PHKA2: variants seen among roughly 807,000 people sequenced by gnomAD.
PHKA2 encodes phosphorylase b kinase regulatory subunit alpha, liver isoform.
A neutral mutation model predicts 102.0 loss-of-function variants in PHKA2; 31 were observed. That is an observed-to-expected ratio of 0.30 (90% CI 0.23 to 0.41). The LOEUF is 0.41. PHKA2 is among the 10% of genes least tolerant of loss of function. The probability of loss-of-function intolerance (pLI) is 1.00; values close to 1 mark genes in which losing one functional copy is unlikely to be tolerated. For synonymous variants in PHKA2, 455 were observed against 416.2 expected (o/e 1.09, Z -1.13); for missense variants, 858 against 1,023.1 (o/e 0.84, Z 2.20).
At chrX:18,930,346 A>G (rs748770811) in intron 12 of PHKA2, among the ~76,000 whole-genome samples, 21 of 111,368 alleles carry the variant, frequency 1.9e-4, no homozygotes, top group Non-Finnish European at 3.2e-4. Context: ...ACTCCCTTGC[A>G]AAGTATTCTC....
Position 18,893,284 on chromosome X carries a change from G to GA in PHKA2, c.*200dup. On this transcript the variant is annotated 3_prime_UTR_variant, in exon 33 of 33. Coordinates refer to ENST00000379942, the MANE Select transcript of PHKA2 (RefSeq NM_000292.3). The stretch of plus-strand genomic sequence containing the variant: ...TGATCCCGGGGTGCTCCTTGCGGGG[G>GA]AACACAGGACTCCTCAGCTCTATCT... 2.1e-6 allele frequency: 1 copy of GA among 470,418 alleles called. No homozygotes were observed. Among genetic ancestry groups the GA allele is most frequent in the Non-Finnish European group, 3.8e-6 (1 of 266,048 alleles). 38.8% of individuals were successfully genotyped at this position (470,418 alleles called of 1,213,427 possible).
chrX:18,906,082 T>C (rs768518605), intron 25 of PHKA2, among the ~76,000 whole-genome samples: 5 of 112,114 alleles, frequency 4.5e-5, no homozygotes, highest in Non-Finnish European at 5.6e-5. Flanking sequence ...AGACACATGA[T>C]GTTTCACAAT....
intron 1 of PHKA2, among the ~76,000 whole-genome samples, chrX:18,956,873 T>C (rs2048783964): frequency 8.9e-6 from 1 of 112,839 alleles, no homozygotes; most frequent in East Asian, 2.8e-4. Flanking sequence ...GATTGGCAGA[T>C]ACTCTGCCAC....
At chrX:18,979,400 G>A (rs896411740) in intron 1 of PHKA2, among the ~76,000 whole-genome samples, 4 of 111,175 alleles carry the variant, frequency 3.6e-5, no homozygotes, top group African/African-American at 6.5e-5. Context: ...ATAATCTGTC[G>A]TTACAGTGAA....
rs186514806 is a variant in PHKA2, at chrX:18,935,811, T to G, written c.1137+244A>C. Among the ~76,000 whole-genome samples the G allele has an allele frequency of 6.6e-3, 712 of 107,465 alleles. 1 individual carries two copies. The highest frequency in any genetic ancestry group is 0.017 in the South Asian group (39 of 2,348). 93.3% of individuals were successfully genotyped at this position (107,465 alleles called of 115,157 possible). On this transcript the variant is annotated intron_variant, in intron 11 of 32. Coordinates refer to ENST00000379942, the MANE Select transcript of PHKA2 (RefSeq NM_000292.3). The stretch of plus-strand genomic sequence containing the variant: ...TTTTTTTTTTAGTAGAGATGGGGTT[T>G]TGCCATGTCAGCCAGGCTGGTCTCA...
intron 26 of PHKA2, among the ~76,000 whole-genome samples, chrX:18,902,248 G>A (rs555288341): frequency 4.5e-5 from 5 of 110,234 alleles, no homozygotes; most frequent in Non-Finnish European, 5.7e-5. Flanking sequence ...CGATCCTTCC[G>A]CTTCAGCCTC....
chrX:18,956,662 T>G (rs1445251825), intron 1 of PHKA2, among the ~76,000 whole-genome samples: 2 of 112,655 alleles, frequency 1.8e-5, no homozygotes, highest in Non-Finnish European at 3.8e-5. Context: ...AGAAGCAGTC[T>G]GAATGTTTCA....
At chrX:18,944,115 C>T (rs2048539122) in intron 6 of PHKA2, among the ~76,000 whole-genome samples, 1 of 111,065 alleles carries the variant, frequency 9.0e-6, no homozygotes, top group Non-Finnish European at 1.9e-5. Flanking sequence ...GTGCCCGACC[C>T]TATTCTTATT....
chrX:18,946,751 T>A (rs2048585245), intron 5 of PHKA2, among the ~76,000 whole-genome samples: 1 of 109,450 alleles, frequency 9.1e-6, no homozygotes, highest in African/African-American at 3.3e-5. Context: ...TAGACTCTGC[T>A]CAGCTTCCAA....
At chrX:18,907,806 A>G in intron 22 of PHKA2, 94 bp downstream of exon 22, 1 of 979,558 alleles carries the variant, frequency 1.0e-6, no homozygotes. Flanking sequence ...GGGCTCCTTC[A>G]CAAGTAAGAG....
At chrX:18,900,276 T>C (rs1309820959) in intron 28 of PHKA2, among the ~76,000 whole-genome samples, 1 of 111,309 alleles carries the variant, frequency 9.0e-6, no homozygotes, top group Non-Finnish European at 1.9e-5. Flanking sequence ...TTACATGTTT[T>C]TCCTTCCAGG....
At chrX:18,943,832 T>C (rs1473586247) in intron 6 of PHKA2, 24 bp from the exon 7 acceptor site, 1 of 1,057,479 alleles carries the variant, frequency 9.5e-7, no homozygotes, top group Non-Finnish European at 1.3e-6. Flanking sequence ...TATGAGTTAC[T>C]TTTTCTTTCT....
intron 2 of PHKA2, among the ~76,000 whole-genome samples, chrX:18,953,933 C>G: frequency 9.0e-6 from 1 of 111,122 alleles, no homozygotes; most frequent in African/African-American, 3.3e-5. Flanking sequence ...TTGCAGTGAG[C>G]TGAGATCGCG....
chrX:18,966,539 T>C (rs1437104085), intron 1 of PHKA2, among the ~76,000 whole-genome samples: 1 of 112,265 alleles, frequency 8.9e-6, no homozygotes, highest in Non-Finnish European at 1.9e-5. Flanking sequence ...GCACTTTTTT[T>C]CTATGAATTA....
chrX:18,922,365 G>C (rs1216801683), intron 17 of PHKA2, among the ~76,000 whole-genome samples: 1 of 112,389 alleles, frequency 8.9e-6, no homozygotes, highest in Non-Finnish European at 1.9e-5. Flanking sequence ...ATGTGCAAAA[G>C]TGGATGCAGA....
At chrX:18,943,495 G>T (rs2048527945) in intron 7 of PHKA2, among the ~76,000 whole-genome samples, 1 of 112,383 alleles carries the variant, frequency 8.9e-6, no homozygotes, top group African/African-American at 3.2e-5. Context: ...ATACTTTTCT[G>T]GCTTACAAAG....
chrX:18,946,757 T>C (rs1007044739), intron 5 of PHKA2, among the ~76,000 whole-genome samples: 2 of 109,151 alleles, frequency 1.8e-5, no homozygotes, highest in African/African-American at 6.7e-5. Context: ...CTGCTCAGCT[T>C]CCAAGGTCCA....
At chrX:18,894,050 C>T (rs191053225) in intron 32 of PHKA2, 154 bp downstream of exon 32, 26 of 544,370 alleles carry the variant, frequency 4.8e-5, no homozygotes, top group Non-Finnish European at 7.2e-5. Flanking sequence ...CCCAAGTGGC[C>T]ACTGTACCAT....
intron 1 of PHKA2, among the ~76,000 whole-genome samples, chrX:18,955,125 G>A (rs751737149): frequency 1.8e-4 from 20 of 112,736 alleles, no homozygotes; most frequent in South Asian, 3.6e-4. Context: ...ATGGATAAAC[G>A]AAATGCGGTC....
Sources: gnomAD v4.1 joint callset for allele counts (sites outside exome capture counted in the v4.1 genomes callset) on GRCh38, gnomAD v4.1.1 for gene constraint, MANE v1.5 for transcripts, NCBI Gene and HGNC (gene_info 2026-07-23, HGNC 2026-07-21) for gene names.